Variants in SLCO3A1 observed in about 807,000 individuals in gnomAD.
The protein encoded by SLCO3A1 is solute carrier organic anion transporter family member 3A1.
Under a neutral mutation model 63.1 loss-of-function variants are expected in SLCO3A1, and 27 were observed. That is an observed-to-expected ratio of 0.43 (90% CI 0.32 to 0.59). SLCO3A1 has a LOEUF of 0.59. SLCO3A1 is among the 20% of genes least tolerant of loss of function. SLCO3A1 has a pLI of 0.09. For synonymous variants in SLCO3A1, 473 were observed against 409.9 expected (o/e 1.15, Z -1.86); for missense variants, 773 against 945.8 (o/e 0.82, Z 2.40).
intron 7 of SLCO3A1, among the ~76,000 whole-genome samples, chr15:92,146,503 G>T (rs979323513): frequency 6.6e-6 from 1 of 152,220 alleles, no homozygotes; most frequent in Non-Finnish European, 1.5e-5. Flanking sequence ...GCGTGACAGC[G>T]TGCAGCCTTT....
At chr15:91,923,206 C>T (rs944570417) in intron 2 of SLCO3A1, among the ~76,000 whole-genome samples, 2 of 152,236 alleles carry the variant, frequency 1.3e-5, no homozygotes, top group Non-Finnish European at 2.9e-5. Flanking sequence ...CGGTGGGGAT[C>T]AGTAAATGCT....
At chr15:92,155,691 C>A (rs570836344) in intron 9 of SLCO3A1, among the ~76,000 whole-genome samples, 1 of 144,070 alleles carries the variant, frequency 6.9e-6, no homozygotes, top group South Asian at 2.3e-4. Flanking sequence ...ACGGTAAAGA[C>A]AGATGGGAGC....
chr15:91,982,781 G>T (rs996009938), intron 2 of SLCO3A1, among the ~76,000 whole-genome samples: 92 of 152,396 alleles, frequency 6.0e-4, no homozygotes, highest in African/African-American at 2.2e-3. Flanking sequence ...AGCCCTACAG[G>T]AGGTGTTTAA....
intron 2 of SLCO3A1, among the ~76,000 whole-genome samples, chr15:92,092,452 G>A (rs754018293): frequency 1.6e-4 from 25 of 152,050 alleles, no homozygotes; most frequent in Non-Finnish European, 2.9e-4. Flanking sequence ...GTATCCCTGT[G>A]CTCTGTGTCC....
chr15:92,078,151 A>G (rs907542727), intron 2 of SLCO3A1, among the ~76,000 whole-genome samples: 1 of 152,194 alleles, frequency 6.6e-6, no homozygotes, highest in Non-Finnish European at 1.5e-5. Context: ...ACTGTGGAGC[A>G]GCAGAAACCG....
chr15:91,994,997 T>A (rs12439355), intron 2 of SLCO3A1, among the ~76,000 whole-genome samples: 23 of 152,140 alleles, frequency 1.5e-4, no homozygotes, highest in African/African-American at 5.3e-4. Flanking sequence ...GGAAAAATCC[T>A]TTACATGAGC....
intron 2 of SLCO3A1, among the ~76,000 whole-genome samples, chr15:92,008,118 A>G (rs1040129334): frequency 3.9e-5 from 6 of 152,344 alleles, no homozygotes; most frequent in African/African-American, 1.4e-4. Context: ...CTTGGTCCCT[A>G]AATGACCCAC....
chr15:91,915,244 C>G (rs1482769068), intron 1 of SLCO3A1, among the ~76,000 whole-genome samples: 1 of 152,082 alleles, frequency 6.6e-6, no homozygotes, highest in Non-Finnish European at 1.5e-5. Context: ...TCTCTTGTGT[C>G]TAGGGCATTG....
intron 2 of SLCO3A1, among the ~76,000 whole-genome samples, chr15:91,986,320 G>C (rs570923774): frequency 6.6e-6 from 1 of 152,256 alleles, no homozygotes; most frequent in East Asian, 1.9e-4. Context: ...ATGGGATTCC[G>C]GGGAGATAAG....
intron 1 of SLCO3A1, among the ~76,000 whole-genome samples, chr15:91,880,166 C>CTATCTATCTATCTATCT (rs1555446413): frequency 2.7e-4 from 36 of 132,550 alleles, no homozygotes; most frequent in African/African-American, 9.2e-4. Flanking sequence ...TCCATCCATC[C>CTATCTATCTATCTATCT]ATCCATCTAT....
chr15:92,016,238 TAG>T (rs769340473), intron 2 of SLCO3A1, among the ~76,000 whole-genome samples: 212 of 59,208 alleles, frequency 3.6e-3, no homozygotes, highest in Non-Finnish European at 5.1e-3. Flanking sequence ...GATAGATAGA[TAG>T]ATAGATAGAT....
intron 3 of SLCO3A1, 37 bp downstream of exon 3, chr15:92,095,016 A>T (rs762204398): frequency 7.1e-7 from 1 of 1,400,228 alleles, no homozygotes; most frequent in East Asian, 2.3e-5. Context: ...TTCCATCCGC[A>T]AGCGTTTCCT....
chr15:92,115,652 A>G (rs1308293273), intron 4 of SLCO3A1, among the ~76,000 whole-genome samples: 2 of 151,908 alleles, frequency 1.3e-5, no homozygotes, highest in East Asian at 1.9e-4. Context: ...CCAGAATTCA[A>G]TCCTGATTAC....
chr15:92,084,784 CAA>C (rs1257637485), intron 2 of SLCO3A1, among the ~76,000 whole-genome samples: 1 of 152,186 alleles, frequency 6.6e-6, no homozygotes, highest in African/African-American at 2.4e-5. Context: ...TACACTTTGA[CAA>C]AGAGAAAAAT....
chr15:91,985,512 T>A (rs1186476375), intron 2 of SLCO3A1, among the ~76,000 whole-genome samples: 1 of 152,234 alleles, frequency 6.6e-6, no homozygotes. Flanking sequence ...TCATGAGGTA[T>A]GTTCATTGTT....
intron 2 of SLCO3A1, among the ~76,000 whole-genome samples, chr15:92,044,190 G>A (rs892297650): frequency 4.6e-5 from 7 of 151,994 alleles, no homozygotes; most frequent in African/African-American, 1.7e-4. Context: ...TGGCTTCTGG[G>A]AAGGAGGGCA....
At chr15:91,909,861 C>CT (rs1267168465) in intron 1 of SLCO3A1, among the ~76,000 whole-genome samples, 3 of 152,328 alleles carry the variant, frequency 2.0e-5, no homozygotes, top group Non-Finnish European at 4.4e-5. Context: ...CCACAGGGGC[C>CT]TTTCCTTGCT....
chr15:92,169,271 C>G (rs1284059615), downstream of SLCO3A1, among the ~76,000 whole-genome samples: 2 of 152,206 alleles, frequency 1.3e-5, no homozygotes, highest in African/African-American at 4.8e-5. Flanking sequence ...AAACCCAGGT[C>G]TGTGAAAAAG....
intron 2 of SLCO3A1, among the ~76,000 whole-genome samples, chr15:92,010,681 A>G (rs1340923423): frequency 6.6e-6 from 1 of 152,104 alleles, no homozygotes; most frequent in Non-Finnish European, 1.5e-5. Context: ...TGGGGATCAA[A>G]TGTTCGGCTG....
Sources: allele counts gnomAD v4.1 joint callset (sites outside exome capture counted in the v4.1 genomes callset), GRCh38; gene constraint gnomAD v4.1.1; transcripts MANE v1.5; gene names NCBI Gene and HGNC (gene_info 2026-07-23, HGNC 2026-07-21).